VOPP1: variants seen among roughly 807,000 people sequenced by gnomAD.
The protein encoded by VOPP1 is VOPP1 WW domain binding protein.
Under a neutral mutation model 23.5 loss-of-function variants are expected in VOPP1, and 8 were observed. The ratio of observed to expected loss-of-function variants is 0.34; its 90% confidence interval spans 0.20 to 0.61. The LOEUF (loss-of-function observed/expected upper bound fraction) is 0.61, where lower values mean the gene tolerates loss of function less well. Among genes scored for constraint, VOPP1 ranks in the 20% least tolerant of loss-of-function variants. The pLI is 0.78. For missense variants in VOPP1, 174 were observed against 238.1 expected, an observed-to-expected ratio of 0.73 and a Z score of 1.77; for synonymous variants, 83 against 97.3, an observed-to-expected ratio of 0.85 and a Z score of 0.86.
Position 55,565,766 on chromosome 7 carries a change from CTAGTATAA to C in VOPP1, c.54+6497_54+6504del, listed in dbSNP as rs1264495854. On this transcript the variant is annotated intron_variant, in intron 1 of 4. Transcript: ENST00000285279. The stretch of plus-strand genomic sequence containing the variant: ...GCAGGGGTGGAGGTGGGAGGACGCA[CTAGTATAA>C]ACTAGTATAATTTTATCTGCTTAAT... Among the ~76,000 whole-genome samples the C allele has an allele frequency of 0.038, 20 of 528 alleles. No individual in the cohort carries two copies. The East Asian group carries it at 0.5, about 13-fold the overall frequency. The allele number at this position is 528 out of a possible 152,430, so 0.3% of individuals were successfully genotyped here. A position where few individuals can be genotyped will look rare whatever the true frequency, so the allele number is the denominator to read the frequency against.
downstream of VOPP1, among the ~76,000 whole-genome samples, chr7:55,466,260 T>C (rs185552975): frequency 5.3e-5 from 8 of 152,288 alleles, no homozygotes; most frequent in African/African-American, 1.7e-4. Context: ...CCTGAACACA[T>C]TGTGACAAGA....
At chr7:55,475,715 A>C (rs1486495239) in intron 4 of VOPP1, among the ~76,000 whole-genome samples, 5 of 152,222 alleles carry the variant, frequency 3.3e-5, no homozygotes, top group Admixed American at 1.3e-4. Flanking sequence ...AAAACACACA[A>C]AACATTCTAG....
intron 3 of VOPP1, among the ~76,000 whole-genome samples, chr7:55,496,360 C>T (rs1036169434): frequency 6.6e-6 from 1 of 152,248 alleles, no homozygotes; most frequent in African/African-American, 2.4e-5. Flanking sequence ...CTGGGCCCTC[C>T]CCGTCTCTGG....
At chr7:55,522,689 A>G (rs540391609) in intron 1 of VOPP1, among the ~76,000 whole-genome samples, 2 of 152,266 alleles carry the variant, frequency 1.3e-5, no homozygotes, top group South Asian at 4.1e-4. Context: ...TCAGAACACA[A>G]GCCTGAAGCT....
chr7:55,443,510 C>T (rs1004619516), intron 4 of VOPP1, among the ~76,000 whole-genome samples: 5 of 152,020 alleles, frequency 3.3e-5, no homozygotes, highest in Non-Finnish European at 5.9e-5. Flanking sequence ...GCCAAGATCA[C>T]GCCACTGCGC....
At chr7:55,537,604 A>G (rs1562607894) in intron 1 of VOPP1, 3 of 1,535,700 alleles carry the variant, frequency 2.0e-6, no homozygotes, top group Non-Finnish European at 1.7e-6. Flanking sequence ...GCTGGGTCAC[A>G]CGCAGCCCTC....
At position 55,488,997 on chromosome 7, in the gene VOPP1, C is replaced by T. The variant is rs777900185; in HGVS notation, c.328+3285G>A. ...GTCCCCACGCCCCCAGGGCCCATGC[C>T]ACAGATAGTCTGGGATCTGAGCAGA... is the stretch of plus-strand genomic sequence containing the variant. On this transcript the variant is annotated intron_variant, in intron 4 of 4. Coordinates refer to ENST00000285279, the MANE Select transcript of VOPP1 (RefSeq NM_030796.5). Among the ~76,000 whole-genome samples the T allele has an allele frequency of 2.4e-3, 367 of 152,376 alleles. 1 individual carries two copies. Among genetic ancestry groups the T allele is most frequent in the Non-Finnish European group, 4.3e-3 (290 of 68,042 alleles).
In VOPP1 at chr7:55,479,317, C is replaced by T. The variant is rs192057902; in HGVS notation, c.329-6272G>A. On this transcript the variant is annotated intron_variant, in intron 4 of 4. Coordinates refer to ENST00000285279, the MANE Select transcript of VOPP1 (RefSeq NM_030796.5). ...CTATCCCTCCCCCATCCCCCCACCC[C>T]ACAACAGTCCCCAGAATGTGATGTT... is the stretch of plus-strand genomic sequence containing the variant. 3.1e-3 allele frequency among the ~76,000 whole-genome samples: 475 copies of T among 151,414 alleles called. 2 individuals are homozygous for T. The highest frequency in any genetic ancestry group is 0.011 in the African/African-American group (433 of 41,106).
intron 2 of VOPP1, 116 bp from the exon 3 acceptor site, chr7:55,497,806 C>T (rs1374482392): frequency 1.2e-6 from 1 of 833,926 alleles, no homozygotes; most frequent in African/African-American, 1.7e-5. Context: ...TCAGTAAGAG[C>T]AAAAAGGACA....
intron 1 of VOPP1, chr7:55,538,714 G>A: frequency 6.6e-7 from 1 of 1,506,210 alleles, no homozygotes; most frequent in African/African-American, 1.4e-5. Context: ...AGAGAGGGCG[G>A]ATTAAAATGA....
chr7:55,462,990 T>C (rs988526457), intron 4 of VOPP1, among the ~76,000 whole-genome samples: 11 of 152,206 alleles, frequency 7.2e-5, no homozygotes, highest in African/African-American at 2.4e-4. Flanking sequence ...ATGATATCTA[T>C]CTCTGTTGAA....
intron 2 of VOPP1, among the ~76,000 whole-genome samples, chr7:55,520,077 G>A (rs897099353): frequency 1.3e-5 from 2 of 152,042 alleles, no homozygotes; most frequent in African/African-American, 2.4e-5. Context: ...GCAGTGAGCC[G>A]AGATTGCACC....
chr7:55,489,295 G>C (rs541362629), intron 4 of VOPP1, among the ~76,000 whole-genome samples: 1 of 152,314 alleles, frequency 6.6e-6, no homozygotes, highest in Admixed American at 6.5e-5. Flanking sequence ...CCTGCAAGAA[G>C]TATAAAATGA....
At chr7:55,524,452 C>A (rs949160237) in intron 1 of VOPP1, among the ~76,000 whole-genome samples, 1 of 152,178 alleles carries the variant, frequency 6.6e-6, no homozygotes, top group Admixed American at 6.5e-5. Flanking sequence ...AACTGCTTCA[C>A]TGTTTTTGGT....
At chr7:55,439,218 G>A (rs1790904859) in intron 4 of VOPP1, among the ~76,000 whole-genome samples, 1 of 152,110 alleles carries the variant, frequency 6.6e-6, no homozygotes, top group Non-Finnish European at 1.5e-5. Flanking sequence ...CCAGGACACA[G>A]CCCTGGGCCA....
chr7:55,562,375 C>T (rs1027335842), intron 1 of VOPP1, among the ~76,000 whole-genome samples: 2 of 152,216 alleles, frequency 1.3e-5, no homozygotes, highest in Admixed American at 1.3e-4. Context: ...TCTAGTCTTA[C>T]TGGGATGTGC....
intron 1 of VOPP1, among the ~76,000 whole-genome samples, chr7:55,531,350 ATT>A (rs11372931): frequency 2.1e-5 from 3 of 141,028 alleles, no homozygotes; most frequent in African/African-American, 2.6e-5. Context: ...CTAATCCAGA[ATT>A]TTTTTTTTTT....
chr7:55,436,883 T>C (rs1348736875), intron 4 of VOPP1, among the ~76,000 whole-genome samples: 3 of 152,122 alleles, frequency 2.0e-5, no homozygotes, highest in Non-Finnish European at 4.4e-5. Flanking sequence ...CCTGGTTCTG[T>C]GGCCCCCTCC....
At position 55,492,493 on chromosome 7, in the gene VOPP1, C is replaced by T. The variant is rs1793654358; in HGVS notation, c.192-75G>A. 4 of 1,490,656 alleles carry T rather than the reference C, an allele frequency of 2.7e-6. No individual in the cohort carries two copies. In the East Asian group the frequency reaches 9.7e-5, roughly 36 times the overall value. The allele number at this position is 1,490,656 out of a possible 1,614,324, so 92.3% of individuals were successfully genotyped here. A position where few individuals can be genotyped will look rare whatever the true frequency, so the allele number is the denominator to read the frequency against. ...GGGCTTGGCCCTACAGCTCAAAGGC[C>T]TCATGCACTCCTCGGGGGTCCGGGA... On this transcript the variant is annotated intron_variant, in intron 3 of 4. Coordinates refer to ENST00000285279, the MANE Select transcript of VOPP1 (RefSeq NM_030796.5).
Sources: gnomAD v4.1 joint callset for allele counts (sites outside exome capture counted in the v4.1 genomes callset) on GRCh38, gnomAD v4.1.1 for gene constraint, MANE v1.5 for transcripts, NCBI Gene and HGNC (gene_info 2026-07-23, HGNC 2026-07-21) for gene names.